The following OR51B5 variants were observed in gnomAD, a reference collection of about 807,000 sequenced individuals.
OR51B5 encodes olfactory receptor family 51 subfamily B member 5, also known as olfactory receptor 51B5.
For missense variants in OR51B5, 456 were observed against 374.6 expected (o/e 1.22, Z -1.79); for synonymous variants, 186 against 144.8 (o/e 1.28, Z -2.04).
intron 1 of OR51B5, among the ~76,000 whole-genome samples, chr11:5,499,196 CT>C (rs1219707223): frequency 1.4e-5 from 2 of 145,348 alleles, no homozygotes; most frequent in Admixed American, 1.4e-4. Context: ...GCCCCAGTGC[CT>C]CCCTATCCTG....
Position 5,453,037 on chromosome 11 carries a change from T to C in OR51B5, n.84+52532A>G, listed in dbSNP as rs189354337. Among the ~76,000 whole-genome samples the C allele has an allele frequency of 1.2e-4, 19 of 152,316 alleles. No individual in the cohort carries two copies. The East Asian group carries it at 3.7e-3, about 29-fold the overall frequency. On this transcript the variant is annotated intron_variant and non_coding_transcript_variant, in intron 1 of 4. Coordinates refer to the OR51B5 transcript ENST00000415970. ...TCATTAATTTGTGATACATATGAAT[T>C]AAGCAACATTTTCAAGAAAATATTT...
intron 1 of OR51B5, among the ~76,000 whole-genome samples, chr11:5,360,583 C>T (rs554482500): frequency 1.3e-3 from 205 of 152,128 alleles, no homozygotes; most frequent in African/African-American, 4.4e-3. Context: ...GTCAGTGTGG[C>T]GATTCCTCAG....
intron 1 of OR51B5, among the ~76,000 whole-genome samples, chr11:5,353,917 C>T (rs117191859): frequency 3.6e-3 from 551 of 152,206 alleles, no homozygotes; most frequent in Middle Eastern, 0.01. Context: ...AGTAAATGAT[C>T]TTTATCTGAT....
chr11:5,413,317 A>G (rs891444369), intron 1 of OR51B5, among the ~76,000 whole-genome samples: 1 of 152,108 alleles, frequency 6.6e-6, no homozygotes, highest in African/African-American at 2.4e-5. Flanking sequence ...AAAAGTAGAT[A>G]AAACCACAAA....
At chr11:5,422,594 C>T (rs1342338978) in intron 1 of OR51B5, 9 of 1,614,056 alleles carry the variant, frequency 5.6e-6, no homozygotes, top group Middle Eastern at 3.3e-4. Context: ...CTGCTGTCCC[C>T]TCCATTATGC....
intron 1 of OR51B5, among the ~76,000 whole-genome samples, chr11:5,429,028 A>G (rs1009508441): frequency 3.9e-5 from 6 of 152,134 alleles, no homozygotes; most frequent in African/African-American, 1.2e-4. Context: ...TGGTGTTTTG[A>G]GATGTTTTTC....
chr11:5,345,730 G>A (rs1006369717), upstream of OR51B5: 4 of 152,064 alleles, frequency 2.6e-5, no homozygotes, highest in African/African-American at 9.7e-5. Flanking sequence ...GTCAGTGTAA[G>A]GCACTACCCT....
chr11:5,430,696 T>C (rs757591821), intron 1 of OR51B5: 2 of 456,132 alleles, frequency 4.4e-6, no homozygotes, highest in African/African-American at 2.0e-5. Context: ...GAGAATTCCC[T>C]GTCTTATTGT....
intron 1 of OR51B5, among the ~76,000 whole-genome samples, chr11:5,457,700 T>C (rs1285214127): frequency 6.6e-6 from 1 of 152,230 alleles, no homozygotes; most frequent in East Asian, 1.9e-4. Flanking sequence ...AGGTTTTCAT[T>C]TGCATTTCTC....
intron 1 of OR51B5, among the ~76,000 whole-genome samples, chr11:5,467,074 G>A (rs764692116): frequency 2.0e-5 from 3 of 152,144 alleles, no homozygotes; most frequent in Non-Finnish European, 4.4e-5. Context: ...TTCAAATGCT[G>A]AGGACCACCA....
At chr11:5,412,558 G>C (rs955011083) in intron 1 of OR51B5, among the ~76,000 whole-genome samples, 2 of 152,208 alleles carry the variant, frequency 1.3e-5, no homozygotes, top group African/African-American at 2.4e-5. Flanking sequence ...AGTGACAGAT[G>C]GCACCTGGAA....
intron 1 of OR51B5, among the ~76,000 whole-genome samples, chr11:5,412,490 T>C (rs979691701): frequency 6.6e-6 from 1 of 152,164 alleles, no homozygotes; most frequent in African/African-American, 2.4e-5. Context: ...GGGCGAGGCA[T>C]TGCCTCACTC....
intron 1 of OR51B5, among the ~76,000 whole-genome samples, chr11:5,477,169 C>A (rs1851321264): frequency 6.6e-6 from 1 of 152,048 alleles, no homozygotes; most frequent in South Asian, 2.1e-4. Context: ...TATATCCAAA[C>A]TCATCAACTG....
intron 1 of OR51B5, among the ~76,000 whole-genome samples, chr11:5,372,957 C>A (rs1447541932): frequency 6.6e-6 from 1 of 152,124 alleles, no homozygotes; most frequent in Non-Finnish European, 1.5e-5. Context: ...AAGTATGGTA[C>A]TATCACATAA....
intron 1 of OR51B5, chr11:5,454,215 T>C: frequency 6.2e-7 from 1 of 1,614,182 alleles, no homozygotes. Flanking sequence ...CACATGTGTG[T>C]CACATATCCT....
At chr11:5,352,081 T>C (rs5006883) in intron 1 of OR51B5, 413,458 of 1,612,566 alleles carry the variant, frequency 0.26, 54,851 homozygotes, top group African/African-American at 0.31. Context: ...TGACATCACC[T>C]TCAACCGTCT....
chr11:5,424,368 C>CAA (rs1263625511), intron 1 of OR51B5, among the ~76,000 whole-genome samples: 49 of 150,594 alleles, frequency 3.3e-4, no homozygotes, highest in African/African-American at 1.1e-3. Context: ...AACAAACAAA[C>CAA]AAACAAAAAA....
At chr11:5,377,144 G>A (rs1801289803) in intron 1 of OR51B5, among the ~76,000 whole-genome samples, 1 of 152,112 alleles carries the variant, frequency 6.6e-6, no homozygotes. Context: ...TGGGATGCAA[G>A]GCTGGTTCAA....
At chr11:5,353,340 A>G (rs188645327) in intron 1 of OR51B5, among the ~76,000 whole-genome samples, 9 of 152,326 alleles carry the variant, frequency 5.9e-5, no homozygotes, top group Admixed American at 5.9e-4. Flanking sequence ...TCCAGTTACT[A>G]CTGAACAGAG....
Sources: gnomAD v4.1 joint callset for allele counts (sites outside exome capture counted in the v4.1 genomes callset) on GRCh38, gnomAD v4.1.1 for gene constraint, MANE v1.5 for transcripts, NCBI Gene and HGNC (gene_info 2026-07-23, HGNC 2026-07-21) for gene names.